FRAS1: variants seen among roughly 807,000 people sequenced by gnomAD.
The protein encoded by FRAS1 is extracellular matrix organizing protein FRAS1.
FRAS1 carries 290 observed loss-of-function variants against 435.2 expected under a neutral mutation model. That is an observed-to-expected ratio of 0.67 (90% CI 0.61 to 0.73). The LOEUF is 0.73. Among genes scored for constraint, FRAS1 ranks in the 30% least tolerant of loss-of-function variants. The probability of loss-of-function intolerance (pLI) is 0.00; values close to 1 mark genes in which losing one functional copy is unlikely to be tolerated. For missense variants in FRAS1, 4,860 were observed against 5,001.5 expected (o/e 0.97, Z 0.85); for synonymous variants, 1,800 against 1,851.0 (o/e 0.97, Z 0.71).
At position 78,519,366 on chromosome 4, in the gene FRAS1, C is replaced by T. The variant is rs376096303; in HGVS notation, c.10425C>T (p.His3475=). Residue 3475 remains histidine, a synonymous_variant, in exon 67 of 74, where the codon CAC becomes CAT. Coordinates refer to ENST00000512123, the MANE Select transcript of FRAS1 (RefSeq NM_025074.7). ...CTGCCCAGTCCTTCTTGACAGTGCA[C>T]GTGCCTCTATATGTGTCCTACATCT... ...RDSAQSFLTV[H]VPLYVSYIYV... 1.1e-4 allele frequency: 178 copies of T among 1,597,032 alleles called. 1 individual carries two copies. The Admixed American group carries it at 2.9e-3, about 26-fold the overall frequency.
intron 42 of FRAS1, 86 bp downstream of exon 42, chr4:78,445,798 G>A (rs780263777): frequency 7.5e-6 from 11 of 1,470,644 alleles, no homozygotes; most frequent in Middle Eastern, 1.8e-4. Context: ...GGACTCAAAA[G>A]CAAAGAAGAT....
chr4:78,269,942 G>A (rs1726566457), intron 9 of FRAS1, among the ~76,000 whole-genome samples: 1 of 152,154 alleles, frequency 6.6e-6, no homozygotes, highest in South Asian at 2.1e-4. Flanking sequence ...TCCCTCAAAA[G>A]AGTGTTTCCT....
intron 38 of FRAS1, among the ~76,000 whole-genome samples, chr4:78,434,206 A>T (rs143113012): frequency 6.6e-6 from 1 of 152,212 alleles, no homozygotes; most frequent in African/African-American, 2.4e-5. Context: ...TTCTTAGTTT[A>T]AGTGTTATTA....
intron 41 of FRAS1, among the ~76,000 whole-genome samples, chr4:78,444,939 G>A (rs927564636): frequency 6.6e-6 from 1 of 152,210 alleles, no homozygotes. Flanking sequence ...TATCCCAGGG[G>A]CTGGGCTCTG....
chr4:78,293,095 C>T (rs1412582939), intron 14 of FRAS1, among the ~76,000 whole-genome samples: 1 of 152,174 alleles, frequency 6.6e-6, no homozygotes, highest in Non-Finnish European at 1.5e-5. Flanking sequence ...CAGAAAACTT[C>T]CCTCTAGTTA....
At chr4:78,117,814 C>A (rs906983289) in intron 2 of FRAS1, among the ~76,000 whole-genome samples, 5 of 141,930 alleles carry the variant, frequency 3.5e-5, no homozygotes, top group African/African-American at 1.3e-4. Flanking sequence ...TCGTCTGAAG[C>A]CTTCTTCTCT....
chr4:78,502,294 A>G lies in FRAS1; in HGVS notation c.9316+2373A>G, dbSNP rs147558363. On this transcript the variant is annotated intron_variant, in intron 61 of 73. Coordinates refer to ENST00000512123, the MANE Select transcript of FRAS1 (RefSeq NM_025074.7). ...GCTTGATCGGGATGGCATTGTATCTATAAATTACCTTGGGCAGTATGGCCA... is the reference window on the plus strand; with the variant it reads ...GCTTGATCGGGATGGCATTGTATCTGTAAATTACCTTGGGCAGTATGGCCA... Among the ~76,000 whole-genome samples the G allele has an allele frequency of 8.7e-3, 1,319 of 152,280 alleles. 23 individuals carry two copies. Among genetic ancestry groups the G allele is most frequent in the African/African-American group, 0.03 (1,262 of 41,538 alleles).
At chr4:78,505,670 G>A (rs539681922) in intron 61 of FRAS1, among the ~76,000 whole-genome samples, 21 of 152,210 alleles carry the variant, frequency 1.4e-4, no homozygotes, top group African/African-American at 4.8e-4. Context: ...TGATGGGTTA[G>A]AACGTGCTCC....
At chr4:78,152,466 G>A (rs1044111435) in intron 2 of FRAS1, among the ~76,000 whole-genome samples, 21 of 151,982 alleles carry the variant, frequency 1.4e-4, no homozygotes, top group Admixed American at 1.3e-3. Flanking sequence ...ATTTTAAATC[G>A]GTACAGGCTT....
Position 78,507,460 on chromosome 4 carries a change from A to G in FRAS1, c.9356A>G (p.Asn3119Ser), listed in dbSNP as rs191105001. 1.2e-4 allele frequency: 186 copies of G among 1,612,592 alleles called. 1 individual carries two copies. The East Asian group carries it at 3.0e-3, about 26-fold the overall frequency. Residue 3119 changes from asparagine (N) to serine (S), a missense_variant, in exon 62 of 74, where the codon AAT becomes AGT. Asn to Ser is a conservative substitution (Grantham distance 46). Coordinates refer to ENST00000512123, the MANE Select transcript of FRAS1 (RefSeq NM_025074.7). ...TTTTTTAAAGTTGAGATCCTGTCCA[A>G]TGAAGACCGGGAATGGCATGAATCT... ...HIFFKVEILS[N>S]EDREWHESFS...
chr4:78,511,370 A>G lies in FRAS1; in HGVS notation c.9877A>G (p.Asn3293Asp), dbSNP rs775932305. The change falls in exon 64 of 74, where the codon AAC (asparagine) becomes GAC (aspartate). Residue 3293 changes from asparagine to aspartate, a missense_variant. By Grantham distance (23) the Asn-to-Asp change is conservative (BLOSUM62 1). Transcript: ENST00000512123. The part of the protein sequence containing the change: ...VGHVGTPLRS[N>D]IVTIGTDSAI... The stretch of plus-strand genomic sequence containing the variant: ...CCATGTGGGGACCCCCTTAAGGAGC[A>G]ACATTGTTACCATTGGAACAGACAG... 1.2e-6 allele frequency: 2 copies of G among 1,613,844 alleles called. No individual in the cohort carries two copies. Among genetic ancestry groups the G allele is most frequent in the African/African-American group, 2.7e-5 (2 of 74,928 alleles).
intron 53 of FRAS1, among the ~76,000 whole-genome samples, chr4:78,474,204 C>A (rs542305063): frequency 2.7e-4 from 41 of 152,090 alleles, no homozygotes; most frequent in Non-Finnish European, 4.7e-4. Context: ...TGTGGACAGC[C>A]CTTTAAGATG....
intron 51 of FRAS1, 38 bp downstream of exon 51, chr4:78,470,129 C>A: frequency 7.4e-7 from 1 of 1,352,882 alleles, no homozygotes; most frequent in Non-Finnish European, 1.1e-6. Context: ...CACCACCCAA[C>A]TTGGGCTACA....
intron 4 of FRAS1, among the ~76,000 whole-genome samples, chr4:78,247,445 T>A (rs191779302): frequency 6.6e-5 from 10 of 152,148 alleles, no homozygotes; most frequent in Admixed American, 5.9e-4. Context: ...AGAAGATGGA[T>A]TTTTTTTAAG....
intron 50 of FRAS1, among the ~76,000 whole-genome samples, chr4:78,468,450 G>A (rs759817734): frequency 6.6e-6 from 1 of 151,438 alleles, no homozygotes; most frequent in Non-Finnish European, 1.5e-5. Context: ...CCAGTGCCTG[G>A]CACACAGGGA....
At chr4:78,204,824 G>A (rs1207187023) in intron 2 of FRAS1, among the ~76,000 whole-genome samples, 2 of 152,300 alleles carry the variant, frequency 1.3e-5, no homozygotes, top group Admixed American at 6.5e-5. Context: ...AGCAAATTTT[G>A]GGAAACTTCT....
chr4:78,220,187 T>A (rs898980182), intron 2 of FRAS1, among the ~76,000 whole-genome samples: 7 of 152,216 alleles, frequency 4.6e-5, no homozygotes, highest in African/African-American at 1.7e-4. Flanking sequence ...TTGATTCACA[T>A]TTTCTTCTGC....
intron 67 of FRAS1, among the ~76,000 whole-genome samples, chr4:78,520,664 ATT>A (rs1721358445): frequency 6.6e-6 from 1 of 152,300 alleles, no homozygotes; most frequent in Non-Finnish European, 1.5e-5. Context: ...GTTATGCTAT[ATT>A]GTTTAGGAAA....
At chr4:78,142,604 C>T (rs1720242050) in intron 2 of FRAS1, among the ~76,000 whole-genome samples, 1 of 151,924 alleles carries the variant, frequency 6.6e-6, no homozygotes, top group African/African-American at 2.4e-5. Context: ...CTCAGAGATA[C>T]AGGAAAGGAC....
Sources: gnomAD v4.1 joint callset for allele counts (sites outside exome capture counted in the v4.1 genomes callset) on GRCh38, gnomAD v4.1.1 for gene constraint, MANE v1.5 for transcripts, NCBI Gene and HGNC (gene_info 2026-07-23, HGNC 2026-07-21) for gene names.